The following SYNPO variants were observed in gnomAD, a reference collection of about 807,000 sequenced individuals.
SYNPO encodes synaptopodin.
A neutral mutation model predicts 49.5 loss-of-function variants in SYNPO; 19 were observed. The observed-to-expected ratio is 0.38, with a 90% confidence interval of 0.27 to 0.56. The LOEUF (loss-of-function observed/expected upper bound fraction) is 0.56, where lower values mean the gene tolerates loss of function less well. Among genes scored for constraint, SYNPO ranks in the 20% least tolerant of loss-of-function variants. The probability of loss-of-function intolerance (pLI) is 0.68; values close to 1 mark genes in which losing one functional copy is unlikely to be tolerated. For missense variants in SYNPO, 1,131 were observed against 1,248.3 expected, an observed-to-expected ratio of 0.91 and a Z score of 1.42; for synonymous variants, 536 against 548.0, an observed-to-expected ratio of 0.98 and a Z score of 0.31.
intron 2 of SYNPO, among the ~76,000 whole-genome samples, chr5:150,631,611 A>G (rs960491023): frequency 6.6e-6 from 1 of 152,108 alleles, no homozygotes; most frequent in East Asian, 1.9e-4. Flanking sequence ...CTTGAGGCGG[A>G]TCATAGGAAA....
chr5:150,606,168 C>T (rs1411584131), intron 1 of SYNPO, among the ~76,000 whole-genome samples: 1 of 152,180 alleles, frequency 6.6e-6, no homozygotes, highest in Non-Finnish European at 1.5e-5. Context: ...TACATATACA[C>T]ACAGACAGAC....
chr5:150,657,274 T>C lies in SYNPO; in HGVS notation c.*187T>C. 3.1e-6 allele frequency: 2 copies of C among 654,496 alleles called. No individual in the cohort carries two copies. The highest frequency in any genetic ancestry group is 4.1e-5 in the South Asian group (2 of 49,264). The allele number at this position is 654,496 out of a possible 1,614,324, so 40.5% of individuals were successfully genotyped here. A position where few individuals can be genotyped will look rare whatever the true frequency, so the allele number is the denominator to read the frequency against. ...CTAGCCCTTGCTCTCATTCAGCTGT[T>C]GTGTGACCCTGGGTAAGACCCTTCC... On this transcript the variant is annotated 3_prime_UTR_variant, in exon 3 of 3. Coordinates refer to ENST00000307662, the MANE Select transcript of SYNPO (RefSeq NM_007286.6).
At chr5:150,590,464 G>A in the SYNPO span, among the ~76,000 whole-genome samples, 1 of 152,212 alleles carries the variant, frequency 6.6e-6, no homozygotes, top group Non-Finnish European at 1.5e-5. Context: ...GTGATCAGAC[G>A]CTGGGTGAGA....
chr5:150,651,695 G>A (rs1219883246), intron 2 of SYNPO: 1 of 1,000,528 alleles, frequency 1.0e-6, no homozygotes, highest in Non-Finnish European at 1.2e-6. Flanking sequence ...AGGGACAGAG[G>A]AGATCTTAGA....
the SYNPO span, among the ~76,000 whole-genome samples, chr5:150,594,289 G>T: frequency 6.6e-6 from 1 of 152,192 alleles, no homozygotes; most frequent in East Asian, 1.9e-4. Flanking sequence ...AAAAACTTGG[G>T]TCAGAGCTGG....
intron 1 of SYNPO, 123 bp from the exon 2 acceptor site, chr5:150,647,821 A>T: frequency 1.1e-6 from 1 of 909,884 alleles, no homozygotes; most frequent in African/African-American, 1.7e-5. Context: ...AGTGACGATT[A>T]AATTCCAGAA....
chr5:150,609,601 G>A (rs959421996), intron 1 of SYNPO, among the ~76,000 whole-genome samples: 1 of 152,212 alleles, frequency 6.6e-6, no homozygotes, highest in African/African-American at 2.4e-5. Context: ...GGCTGGTTAG[G>A]CATTTTCTGA....
chr5:150,637,078 T>C (rs958108618), upstream of SYNPO, among the ~76,000 whole-genome samples: 2 of 152,208 alleles, frequency 1.3e-5, no homozygotes, highest in East Asian at 3.9e-4. Flanking sequence ...GATGATGAAG[T>C]TGAGACTCAG....
intron 1 of SYNPO, among the ~76,000 whole-genome samples, chr5:150,616,751 C>G (rs1262333952): frequency 2.0e-5 from 3 of 152,076 alleles, no homozygotes; most frequent in African/African-American, 7.2e-5. Flanking sequence ...GCATCCTAGG[C>G]TCCTCCCTCT....
At chr5:150,624,862 A>G (rs1757299029) in intron 2 of SYNPO, 1 of 984,674 alleles carries the variant, frequency 1.0e-6, no homozygotes, top group Admixed American at 6.2e-5. Context: ...AGGTGTGCCG[A>G]GGCGGCGGCG....
the SYNPO span, among the ~76,000 whole-genome samples, chr5:150,586,082 T>C: frequency 6.6e-6 from 1 of 152,226 alleles, no homozygotes; most frequent in Non-Finnish European, 1.5e-5. Flanking sequence ...GGTTCCCTGC[T>C]GTATGGCGCA....
rs1276648832 is a variant in SYNPO, at chr5:150,651,579, A to G, written c.2028+1276A>G. 1.4e-5 allele frequency: 14 copies of G among 1,003,170 alleles called. No homozygotes were observed. The East Asian group carries it at 4.5e-4, about 32-fold the overall frequency. The allele number at this position is 1,003,170 out of a possible 1,614,324, so 62.1% of individuals were successfully genotyped here. A position where few individuals can be genotyped will look rare whatever the true frequency, so the allele number is the denominator to read the frequency against. On this transcript the variant is annotated intron_variant, in intron 2 of 2. Coordinates refer to ENST00000307662, the MANE Select transcript of SYNPO (RefSeq NM_007286.6). ...TGGAATGAGCTGCTGCAGGAGGCCA[A>G]GGGATGCCTGGGCTGGGCTGGGCTG...
chr5:150,635,861 C>T (rs1434966184), upstream of SYNPO, among the ~76,000 whole-genome samples: 1 of 152,350 alleles, frequency 6.6e-6, no homozygotes, highest in East Asian at 1.9e-4. Flanking sequence ...TTGCTGTTCC[C>T]TCTGCCTGCA....
chr5:150,649,748 G>A lies in SYNPO; in HGVS notation c.1473G>A (p.Met491Ile). Residue 491 changes from methionine to isoleucine, a missense_variant, in exon 2 of 3, where the codon ATG (methionine) becomes ATA (isoleucine). Physicochemically the swap from Met to Ile is conservative, Grantham distance 10 (BLOSUM62 1). Transcript: ENST00000307662. ...AELYARRQSR[M>I]EKYVIESSSH... ...TCTACGCCCGCCGCCAGTCACGGATGGAGAAATATGTCATCGAGTCTTCAA... is the reference window on the plus strand; with the variant it reads ...TCTACGCCCGCCGCCAGTCACGGATAGAGAAATATGTCATCGAGTCTTCAA... The A allele has an allele frequency of 6.2e-7, 1 of 1,613,134 alleles. No individual in the cohort carries two copies. The highest frequency in any genetic ancestry group is 8.5e-7 in the Non-Finnish European group (1 of 1,180,020).
chr5:150,620,926 TTTC>T (rs759831201), intron 2 of SYNPO, among the ~76,000 whole-genome samples: 1 of 144,310 alleles, frequency 6.9e-6, no homozygotes. Context: ...TCTTTCTTTC[TTTC>T]TTTCTTTCTT....
chr5:150,610,825 A>G (rs1334921837), intron 1 of SYNPO, among the ~76,000 whole-genome samples: 1 of 152,232 alleles, frequency 6.6e-6, no homozygotes, highest in Non-Finnish European at 1.5e-5. Context: ...CTTATTTTTT[A>G]TATACAAGAT....
At chr5:150,604,383 C>T (rs933990924) in intron 1 of SYNPO, among the ~76,000 whole-genome samples, 1 of 152,206 alleles carries the variant, frequency 6.6e-6, no homozygotes, top group Non-Finnish European at 1.5e-5. Flanking sequence ...GAATGGGGTG[C>T]AGATGGAGGC....
intron 2 of SYNPO, chr5:150,650,767 T>G: frequency 1.6e-6 from 2 of 1,281,638 alleles, no homozygotes; most frequent in Non-Finnish European, 2.0e-6. Flanking sequence ...AGGGTCTGCC[T>G]CCTCAGCTGC....
At chr5:150,617,665 C>T (rs1018861293) in intron 1 of SYNPO, 1 of 152,080 alleles carries the variant, frequency 6.6e-6, no homozygotes, top group African/African-American at 2.4e-5. Flanking sequence ...TAGGTCACAC[C>T]ACTCCTGTGA....
Sources: allele counts gnomAD v4.1 joint callset (sites outside exome capture counted in the v4.1 genomes callset), GRCh38; gene constraint gnomAD v4.1.1; transcripts MANE v1.5; gene names NCBI Gene and HGNC (gene_info 2026-07-23, HGNC 2026-07-21).